AHNAK: variants seen among roughly 807,000 people sequenced by gnomAD.
AHNAK encodes the protein neuroblast differentiation-associated protein AHNAK.
AHNAK carries 23 observed loss-of-function variants against 37.8 expected under a neutral mutation model. The ratio of observed to expected loss-of-function variants is 0.61; its 90% confidence interval spans 0.44 to 0.86. The LOEUF (loss-of-function observed/expected upper bound fraction) is 0.86. Ranked by LOEUF, AHNAK falls within the 40% of genes least tolerant of loss-of-function variation. The pLI, the probability that AHNAK is intolerant of heterozygous loss-of-function variation, is 0.00. For synonymous variants in AHNAK, 2,481 were observed against 2,636.3 expected, an observed-to-expected ratio of 0.94 and a Z score of 1.80; for missense variants, 7,411 against 7,319.4, an observed-to-expected ratio of 1.01 and a Z score of -0.46.
At position 62,532,680 on chromosome 11, in the gene AHNAK, G is replaced by A. The variant is rs761710459; in HGVS notation, c.1737C>T (p.Ala579=). 41 of 1,613,818 alleles carry A rather than the reference G, an allele frequency of 2.5e-5. No homozygotes were observed. Among genetic ancestry groups the A allele is most frequent in the Non-Finnish European group, 3.2e-5 (38 of 1,179,952 alleles). The change falls in exon 5 of 5, where the codon GCC becomes GCT. Residue 579 remains alanine, a synonymous_variant. Transcript: ENST00000378024. The part of the protein sequence containing the change: ...ISMSEVDLNV[A]APKVKGGVDV... ...CTACACCCCCTTTCACTTTAGGTGC[G>A]GCCACATTTAAGTCTACTTCTGACA...
rs912705991 is a variant in AHNAK at position 62,521,069 on chromosome 11, G to C, written c.13348C>G (p.Pro4450Ala). 3 of 1,614,026 alleles carry C rather than the reference G, an allele frequency of 1.9e-6. No individual in the cohort carries two copies. Among genetic ancestry groups the C allele is most frequent in the East Asian group, 4.5e-5 (2 of 44,878 alleles). Residue 4450 changes from proline to alanine, a missense_variant, in exon 5 of 5, where the codon CCT (proline) becomes GCT (alanine). Transcript: ENST00000378024. ...GKLKGPKFKM[P>A]EMNIKAPKIS... is the part of the protein sequence containing the mutation. The stretch of plus-strand genomic sequence containing the variant: ...TTGGGAGCTTTGATGTTCATCTCAG[G>C]CATCTTAAATTTGGGCCCCTTCAAT...
intron 1 of AHNAK, among the ~76,000 whole-genome samples, chr11:62,540,805 C>T (rs918927159): frequency 6.6e-6 from 1 of 152,200 alleles, no homozygotes; most frequent in African/African-American, 2.4e-5. Flanking sequence ...CGCTGCGGGA[C>T]AGACTGTAAT....
chr11:62,516,283 C>G lies in AHNAK; in HGVS notation c.*461G>C. ...TGGGCGTTTGCTGTTTGAACAGATCCAGTCTCAGGAAAGAGGAAGACCTGA... is the reference window on the plus strand; with the variant it reads ...TGGGCGTTTGCTGTTTGAACAGATCGAGTCTCAGGAAAGAGGAAGACCTGA... On this transcript the variant is annotated 3_prime_UTR_variant, in exon 5 of 5. Transcript: ENST00000378024. 1 of 1,289,328 alleles carries G rather than the reference C, an allele frequency of 7.8e-7. No homozygotes were observed. Among genetic ancestry groups the G allele is most frequent in the Non-Finnish European group, 1.0e-6 (1 of 988,804 alleles). The allele number at this position is 1,289,328 out of a possible 1,614,324, so 79.9% of individuals were successfully genotyped here.
At position 62,519,003 on chromosome 11, in the gene AHNAK, C is replaced by A; in HGVS notation, c.15414G>T (p.Ala5138=). ...AIHVEGLDIK[A]KAPKVKMPDV... ...CTGGCATCTTGACCTTGGGAGCCTT[C>A]GCCTTGATGTCAAGACCTTCGACGT... is the stretch of plus-strand genomic sequence containing the variant. The change falls in exon 5 of 5, where the codon GCG becomes GCT. Residue 5138 remains alanine, a synonymous_variant. Coordinates refer to ENST00000378024, the MANE Select transcript of AHNAK (RefSeq NM_001620.3). 1.2e-6 allele frequency: 2 copies of A among 1,614,038 alleles called. No individual in the cohort carries two copies. The highest frequency in any genetic ancestry group is 8.5e-7 in the Non-Finnish European group (1 of 1,179,970).
chr11:62,520,417 C>T lies in AHNAK; in HGVS notation c.14000G>A (p.Gly4667Glu). The T allele has an allele frequency of 6.2e-7, 1 of 1,613,836 alleles. No homozygotes were observed. Among genetic ancestry groups the T allele is most frequent in the South Asian group, 1.1e-5 (1 of 91,056 alleles). Reference protein sequence around the residue: ...MPKFSMPGFKGEGPDVDVNLP... With the variant: ...MPKFSMPGFKEEGPDVDVNLP... ...GTTCACATCCACATCTGGGCCCTCTCCTTTGAAGCCAGGCATGCTGAACTT... is the reference window on the plus strand; with the variant it reads ...GTTCACATCCACATCTGGGCCCTCTTCTTTGAAGCCAGGCATGCTGAACTT... The change falls in exon 5 of 5, where the codon GGA becomes GAA. Residue 4667 changes from glycine to glutamate, a missense_variant. Transcript: ENST00000378024.
rs1238476009 is a variant in AHNAK at position 62,521,531 on chromosome 11, G to A, written c.12886C>T (p.Pro4296Ser). The change falls in exon 5 of 5, where the codon CCC (proline) becomes TCC (serine). Residue 4296 changes from proline to serine, a missense_variant. By Grantham distance (74) the Pro-to-Ser change is moderately conservative. Coordinates refer to ENST00000378024, the MANE Select transcript of AHNAK (RefSeq NM_001620.3). ...LKGPEVDIKG[P>S]KVDIDAPDVD... ...TCAGGGGCATCGATGTCCACTTTGG[G>A]GCCCTTGATGTCAACTTCTGGGCCC... The A allele has an allele frequency of 6.2e-7, 1 of 1,612,926 alleles. No homozygotes were observed.
In AHNAK at chr11:62,517,320, C is replaced by T. The variant is rs111551528; in HGVS notation, c.17097G>A (p.Glu5699=). ...ASIQAGAGDG[E]WEESEVKLKK... ...TCAGTTTGACTTCAGACTCTTCCCA[C>T]TCGCCGTCTCCAGCACCAGCTTGGA... The change falls in exon 5 of 5, where the codon GAG becomes GAA. Residue 5699 remains glutamate, a synonymous_variant. Transcript: ENST00000378024. 8,591 of 1,614,182 alleles carry T rather than the reference C, an allele frequency of 5.3e-3. 33 individuals carry two copies. The highest frequency in any genetic ancestry group is 6.5e-3 in the Non-Finnish European group (7,663 of 1,180,040).
In AHNAK at chr11:62,536,087, C is replaced by T. The variant is rs1452405614; in HGVS notation, c.12G>A (p.Glu4=). 3 of 1,585,302 alleles carry T rather than the reference C, an allele frequency of 1.9e-6. No homozygotes were observed. The Admixed American group carries it at 5.2e-5, about 27-fold the overall frequency. MEK[E]ETTRELLLPN... is the part of the protein sequence containing the mutation. ...GCAGCAGCAGCTCCCGGGTTGTCTC[C>T]TCCTTCTCCATCTGGAATGAGGTGA... Residue 4 remains glutamate (E), a synonymous_variant, in exon 3 of 5, where the codon GAG becomes GAA. Coordinates refer to ENST00000378024, the MANE Select transcript of AHNAK (RefSeq NM_001620.3).
At chr11:62,444,798 T>A (rs1301775798) in intron 5 of AHNAK, among the ~76,000 whole-genome samples, 1 of 152,244 alleles carries the variant, frequency 6.6e-6, no homozygotes, top group Non-Finnish European at 1.5e-5. Flanking sequence ...GACACTTTCC[T>A]AAACAGGCAT....
At chr11:62,459,205 G>A (rs1046660570) in intron 5 of AHNAK, among the ~76,000 whole-genome samples, 1 of 152,214 alleles carries the variant, frequency 6.6e-6, no homozygotes, top group African/African-American at 2.4e-5. Context: ...ACTCACAGTT[G>A]AATGTGGACA....
chr11:62,497,514 G>A (rs901673855), intron 4 of AHNAK, among the ~76,000 whole-genome samples: 1 of 152,232 alleles, frequency 6.6e-6, no homozygotes, highest in Admixed American at 6.5e-5. Flanking sequence ...GTGGAGACAT[G>A]ATTACGCCCT....
In AHNAK at chr11:62,472,396, GTTC is replaced by G. The variant is rs200535081; in HGVS notation, c.442+19333_442+19335del. ...CCTGCATGGGCCAGTCCTCACAACTGTTCTTCTACTGTCCTTCCACTCTGAGTT... is the reference window on the plus strand; with the variant it reads ...CCTGCATGGGCCAGTCCTCACAACTGTTCTACTGTCCTTCCACTCTGAGTT... On this transcript the variant is annotated intron_variant, in intron 5 of 5. Coordinates refer to the AHNAK transcript ENST00000257247. 2.6e-3 allele frequency among the ~76,000 whole-genome samples: 395 copies of G among 152,118 alleles called. 3 individuals carry two copies. Among genetic ancestry groups the G allele is most frequent in the African/African-American group, 9.1e-3 (378 of 41,492 alleles).
rs150635740 is a variant in AHNAK, at chr11:62,529,306, T to G, written c.5111A>C (p.His1704Pro). ...CATTTTCAGGTGCCAATCTGGGTCG[T>G]GAACCTCCACATCTGGGGCATCAAT... ...VDIDAPDVEV[H>P]DPDWHLKMPK... The change falls in exon 5 of 5, where the codon CAC (histidine) becomes CCC (proline). Residue 1704 changes from histidine to proline, a missense_variant. His to Pro is a moderately conservative substitution (Grantham distance 77). Transcript: ENST00000378024. The G allele has an allele frequency of 4.0e-5, 64 of 1,614,160 alleles. 1 individual carries two copies. In the African/African-American group the frequency reaches 7.9e-4, roughly 20 times the overall value.
intron 5 of AHNAK, among the ~76,000 whole-genome samples, chr11:62,439,915 GC>G (rs1358650962): frequency 6.6e-6 from 1 of 151,942 alleles, no homozygotes; most frequent in Admixed American, 6.6e-5. Context: ...TGATCCGCCC[GC>G]CTCCGCCTCC....
intron 4 of AHNAK, among the ~76,000 whole-genome samples, chr11:62,508,704 G>A (rs1172745730): frequency 3.9e-5 from 6 of 152,260 alleles, no homozygotes; most frequent in Admixed American, 6.5e-5. Flanking sequence ...AAGCACCAGC[G>A]GCTGCCTGAC....
At chr11:62,488,998 T>G (rs2134888718) in intron 5 of AHNAK, among the ~76,000 whole-genome samples, 1 of 151,672 alleles carries the variant, frequency 6.6e-6, no homozygotes, top group East Asian at 2.0e-4. Flanking sequence ...CCCAGCACTT[T>G]GGGAGGCCCA....
chr11:62,437,553 T>G (rs1938201574), intron 5 of AHNAK, among the ~76,000 whole-genome samples: 1 of 152,152 alleles, frequency 6.6e-6, no homozygotes, highest in Non-Finnish European at 1.5e-5. Flanking sequence ...GAGACGGGGT[T>G]TCACCATATT....
intron 5 of AHNAK, among the ~76,000 whole-genome samples, chr11:62,480,017 G>C (rs537046618): frequency 6.6e-6 from 1 of 152,218 alleles, no homozygotes; most frequent in East Asian, 1.9e-4. Flanking sequence ...TTATAGGAGG[G>C]CCTCACACCC....
In AHNAK at chr11:62,524,060, C is replaced by G. The variant is rs759427907; in HGVS notation, c.10357G>C (p.Ala3453Pro). The G allele has an allele frequency of 1.9e-6, 3 of 1,613,876 alleles. No individual in the cohort carries two copies. The East Asian group carries it at 6.7e-5, about 36-fold the overall frequency. The change falls in exon 5 of 5, where the codon GCA becomes CCA. Residue 3453 changes from alanine to proline, a missense_variant. By Grantham distance (27) the Ala-to-Pro change is conservative. Transcript: ENST00000378024. ...GGTGCATTAAGATTGACTTCTGGTG[C>G]CTTAATATCCACTTTGGGGCCTTTA... ...DFKGPKVDIK[A>P]PEVNLNAPDV...
Sources: gnomAD v4.1 joint callset for allele counts (sites outside exome capture counted in the v4.1 genomes callset) on GRCh38, gnomAD v4.1.1 for gene constraint, MANE v1.5 for transcripts, NCBI Gene and HGNC (gene_info 2026-07-23, HGNC 2026-07-21) for gene names.